ATP2B2: variants seen among roughly 807,000 people sequenced by gnomAD.
ATP2B2 encodes ATPase plasma membrane Ca2+ transporting 2, also known as plasma membrane calcium-transporting ATPase 2.
ATP2B2 carries 15 observed loss-of-function variants against 120.0 expected under a neutral mutation model. That is an observed-to-expected ratio of 0.12 (90% CI 0.08 to 0.19). ATP2B2 has a LOEUF of 0.19. Ranked by LOEUF, ATP2B2 falls within the 10% of genes least tolerant of loss-of-function variation. The pLI, the probability that ATP2B2 is intolerant of heterozygous loss-of-function variation, is 1.00. For synonymous variants in ATP2B2, 694 were observed against 700.3 expected (o/e 0.99, Z 0.14); for missense variants, 1,045 against 1,719.8 (o/e 0.61, Z 6.94).
chr3:10,543,714 T>A (rs2067485167), intron 2 of ATP2B2, among the ~76,000 whole-genome samples: 1 of 151,898 alleles, frequency 6.6e-6, no homozygotes, highest in Non-Finnish European at 1.5e-5. Context: ...ACCTACACAA[T>A]CAACACTCTT....
intron 2 of ATP2B2, among the ~76,000 whole-genome samples, chr3:10,411,972 G>A (rs1486201020): frequency 3.3e-5 from 5 of 152,204 alleles, no homozygotes; most frequent in Non-Finnish European, 7.3e-5. Context: ...TCACGCACCT[G>A]CTCAAAGGCC....
chr3:10,434,628 G>A (rs900381355), intron 2 of ATP2B2, among the ~76,000 whole-genome samples: 1 of 152,262 alleles, frequency 6.6e-6, no homozygotes. Context: ...TGATTCACCT[G>A]AGGCCACACA....
rs184366255 is a variant in ATP2B2, at chr3:10,648,446, G to A, written c.-459-28485C>T. Among the ~76,000 whole-genome samples, 165 of 152,276 alleles carry A rather than the reference G, an allele frequency of 1.1e-3. 2 individuals carry two copies. Among genetic ancestry groups the A allele is most frequent in the Middle Eastern group, 3.4e-3 (1 of 294 alleles). ...CCTGAGGCTTGGGCCTAGGCTTCCC[G>A]CTGTTCCCTGACTCTGCCATCAAGG... is the stretch of plus-strand genomic sequence containing the variant. On this transcript the variant is annotated intron_variant, in intron 1 of 21. Coordinates refer to the ATP2B2 transcript ENST00000646379.
chr3:10,350,440 C>T lies in ATP2B2; in HGVS notation c.2274G>A (p.Glu758=), dbSNP rs2060547983. The T allele has an allele frequency of 6.2e-7, 1 of 1,614,242 alleles. No individual in the cohort carries two copies. The highest frequency in any genetic ancestry group is 8.5e-7 in the Non-Finnish European group (1 of 1,180,036). ...GGATCCTCCTGTTGAACTCCTTGCCCTCGAGGCACAGAAAGTCCTCCCCAG... is the reference window on the plus strand; with the variant it reads ...GGATCCTCCTGTTGAACTCCTTGCCTTCGAGGCACAGAAAGTCCTCCCCAG... ...IHPGEDFLCL[E]GKEFNRRIRN... is the part of the protein sequence containing the mutation. Residue 758 remains glutamate, a synonymous_variant, in exon 15 of 23, where the codon GAG becomes GAA. Coordinates refer to ENST00000360273, the MANE Select transcript of ATP2B2 (RefSeq NM_001001331.4).
intron 2 of ATP2B2, among the ~76,000 whole-genome samples, chr3:10,608,058 G>A (rs952178161): frequency 2.6e-5 from 4 of 152,114 alleles, no homozygotes; most frequent in African/African-American, 7.2e-5. Flanking sequence ...TTTCCTTCAC[G>A]ATTGACCCTT....
chr3:10,384,399 G>A (rs1003728011), intron 8 of ATP2B2, among the ~76,000 whole-genome samples: 2 of 152,216 alleles, frequency 1.3e-5, no homozygotes, highest in Non-Finnish European at 2.9e-5. Context: ...AACAGTTCAG[G>A]AGTAGCCTGG....
At chr3:10,554,618 C>T (rs1011040362) in intron 2 of ATP2B2, among the ~76,000 whole-genome samples, 6 of 152,178 alleles carry the variant, frequency 3.9e-5, no homozygotes, top group Admixed American at 2.6e-4. Context: ...GATTTCAGCC[C>T]GGTAGAGCTG....
intron 1 of ATP2B2, among the ~76,000 whole-genome samples, chr3:10,487,821 G>A (rs978867597): frequency 6.6e-6 from 1 of 152,150 alleles, no homozygotes; most frequent in East Asian, 1.9e-4. Flanking sequence ...ATCCTGTCAT[G>A]TCCCTGTACA....
chr3:10,593,498 A>C (rs1575534713), intron 2 of ATP2B2, among the ~76,000 whole-genome samples: 1 of 152,212 alleles, frequency 6.6e-6, no homozygotes, highest in African/African-American at 2.4e-5. Context: ...TGCTGGGAAA[A>C]CTGGCTAGCC....
Position 10,326,803 on chromosome 3 carries a change from C to T in ATP2B2, c.*2011G>A, listed in dbSNP as rs1333553200. Reference sequence around the variant, plus strand: ...GGGCTGACTTTGAACCCCAAACCCTCAAGTTTTTCCACCGCCATCCAGATG... The same window carrying T: ...GGGCTGACTTTGAACCCCAAACCCTTAAGTTTTTCCACCGCCATCCAGATG... On this transcript the variant is annotated 3_prime_UTR_variant, in exon 23 of 23. Coordinates refer to ENST00000360273, the MANE Select transcript of ATP2B2 (RefSeq NM_001001331.4). 2.5e-6 allele frequency: 1 copy of T among 398,922 alleles called. No individual in the cohort carries two copies. The highest frequency in any genetic ancestry group is 3.6e-5 in the East Asian group (1 of 28,076). The allele number at this position is 398,922 out of a possible 1,614,324, so 24.7% of individuals were successfully genotyped here. A position where few individuals can be genotyped will look rare whatever the true frequency, so the allele number is the denominator to read the frequency against.
intron 1 of ATP2B2, among the ~76,000 whole-genome samples, chr3:10,492,080 G>T (rs1264987135): frequency 6.6e-6 from 1 of 152,196 alleles, no homozygotes; most frequent in African/African-American, 2.4e-5. Context: ...GTTGCGACAA[G>T]CATGCATTAT....
chr3:10,477,805 C>T (rs184979963), intron 1 of ATP2B2, among the ~76,000 whole-genome samples: 42 of 152,312 alleles, frequency 2.8e-4, no homozygotes, highest in Non-Finnish European at 4.7e-4. Context: ...ATGGACACTT[C>T]GATTGTTCCC....
intron 2 of ATP2B2, among the ~76,000 whole-genome samples, chr3:10,411,031 T>G (rs1027939221): frequency 1.3e-5 from 2 of 152,074 alleles, no homozygotes; most frequent in African/African-American, 4.8e-5. Flanking sequence ...AAAATATATA[T>G]CCACATCATG....
At chr3:10,691,799 A>T (rs1275948490) in intron 1 of ATP2B2, among the ~76,000 whole-genome samples, 1 of 152,192 alleles carries the variant, frequency 6.6e-6, no homozygotes. Context: ...CTCAGGGAAA[A>T]GTAGATGATC....
chr3:10,524,069 G>C (rs561705579), intron 3 of ATP2B2, among the ~76,000 whole-genome samples: 1 of 152,256 alleles, frequency 6.6e-6, no homozygotes, highest in Non-Finnish European at 1.5e-5. Context: ...ATCCAGAGTT[G>C]GCTGGAGGCG....
intron 1 of ATP2B2, among the ~76,000 whole-genome samples, chr3:10,672,027 C>CT (rs2071111793): frequency 6.6e-6 from 1 of 152,194 alleles, no homozygotes. Context: ...TATTTGACTG[C>CT]TAGAGAGCCT....
Position 10,328,672 on chromosome 3 carries a change from C to T in ATP2B2, c.*142G>A. On this transcript the variant is annotated 3_prime_UTR_variant, in exon 23 of 23. Transcript: ENST00000360273. ...CAGAGAAAGGGTCTGTGGGTGGAAA[C>T]GTTGGTTTTCTCTCCAGTATTTGGT... is the stretch of plus-strand genomic sequence containing the variant. 7.4e-6 allele frequency: 6 copies of T among 811,980 alleles called. No individual in the cohort carries two copies. The highest frequency in any genetic ancestry group is 2.7e-5 in the East Asian group (1 of 37,094). The allele number at this position is 811,980 out of a possible 1,614,324, so 50.3% of individuals were successfully genotyped here.
chr3:10,525,453 A>G (rs558150866), intron 3 of ATP2B2, among the ~76,000 whole-genome samples: 8 of 152,354 alleles, frequency 5.3e-5, no homozygotes, highest in African/African-American at 1.9e-4. Context: ...AGTTTCCCCT[A>G]TTATTCACAT....
rs1475679213 is a variant in ATP2B2 at position 10,488,375 on chromosome 3, A to G, written c.-320+17090T>C. Reference sequence around the variant, plus strand: ...CACTCACCCACAAATCGATCCATCCATCCACCCATCCATCCATCCATGTGC... The same window carrying G: ...CACTCACCCACAAATCGATCCATCCGTCCACCCATCCATCCATCCATGTGC... On this transcript the variant is annotated intron_variant, in intron 1 of 22. Transcript: ENST00000360273. 9.5e-5 allele frequency among the ~76,000 whole-genome samples: 14 copies of G among 148,102 alleles called. 2 individuals are homozygous for G. Among genetic ancestry groups the G allele is most frequent in the African/African-American group, 3.5e-4 (14 of 39,766 alleles).
Sources: allele counts gnomAD v4.1 joint callset (sites outside exome capture counted in the v4.1 genomes callset), GRCh38; gene constraint gnomAD v4.1.1; transcripts MANE v1.5; gene names NCBI Gene and HGNC (gene_info 2026-07-23, HGNC 2026-07-21).